CDC42BPA: variants seen among roughly 807,000 people sequenced by gnomAD.
CDC42BPA encodes serine/threonine-protein kinase MRCK alpha.
A neutral mutation model predicts 223.5 loss-of-function variants in CDC42BPA; 80 were observed. The observed-to-expected ratio is 0.36, with a 90% CI of 0.30 to 0.43. The LOEUF (loss-of-function observed/expected upper bound fraction) is 0.43. Among genes scored for constraint, CDC42BPA ranks in the 20% least tolerant of loss-of-function variants. The pLI is 1.00. For missense variants in CDC42BPA, 1,743 were observed against 2,099.9 expected (o/e 0.83, Z 3.32); for synonymous variants, 694 against 718.6 (o/e 0.97, Z 0.55).
intron 32 of CDC42BPA, 114 bp from the exon 33 acceptor site, chr1:227,017,164 G>A (rs544833333): frequency 3.3e-6 from 3 of 913,810 alleles, no homozygotes; most frequent in East Asian, 5.4e-5. Flanking sequence ...ATGCAATTCT[G>A]GTTTTTAAAT....
intron 21 of CDC42BPA, among the ~76,000 whole-genome samples, chr1:227,065,265 C>T (rs1676800268): frequency 6.6e-6 from 1 of 152,090 alleles, no homozygotes; most frequent in East Asian, 1.9e-4. Context: ...CTCTTAATAA[C>T]AGAAGAGTGC....
intron 32 of CDC42BPA, among the ~76,000 whole-genome samples, chr1:227,019,730 T>C (rs1226177850): frequency 1.3e-5 from 2 of 152,148 alleles, no homozygotes; most frequent in Non-Finnish European, 2.9e-5. Flanking sequence ...TTGGGTGACT[T>C]AGGTGCATTG....
At chr1:227,294,390 A>G (rs977356888) in intron 1 of CDC42BPA, among the ~76,000 whole-genome samples, 1 of 152,216 alleles carries the variant, frequency 6.6e-6, no homozygotes, top group Non-Finnish European at 1.5e-5. Context: ...AGAGCTTAAG[A>G]TCACACGATA....
At chr1:227,268,561 CTGTATATATATAGTGTATATATATATG>C (rs1685395839) in intron 1 of CDC42BPA, among the ~76,000 whole-genome samples, 1 of 144,114 alleles carries the variant, frequency 6.9e-6, no homozygotes, top group Non-Finnish European at 1.5e-5. Context: ...ATACTTTTTT[CTGTATATATATAGTGTATATATATATG>C]TGTATATATA....
intron 2 of CDC42BPA, among the ~76,000 whole-genome samples, chr1:227,230,722 C>T (rs1221591234): frequency 1.3e-5 from 2 of 151,300 alleles, no homozygotes; most frequent in Admixed American, 1.3e-4. Flanking sequence ...TCTATTGCAT[C>T]TATACATTTT....
At chr1:227,221,080 A>G (rs1675816615) in intron 2 of CDC42BPA, among the ~76,000 whole-genome samples, 1 of 152,194 alleles carries the variant, frequency 6.6e-6, no homozygotes, top group African/African-American at 2.4e-5. Flanking sequence ...GACTGAAACT[A>G]TTCTCTCAAA....
chr1:227,085,251 G>A (rs887976570), intron 16 of CDC42BPA, among the ~76,000 whole-genome samples: 3 of 151,996 alleles, frequency 2.0e-5, no homozygotes, highest in African/African-American at 4.8e-5. Context: ...AACTAATACA[G>A]GCCACAACCA....
At chr1:227,308,509 C>CAAAAAAAAAAAAAAAAA in intron 1 of CDC42BPA, among the ~76,000 whole-genome samples, 1 of 89,782 alleles carries the variant, frequency 1.1e-5, no homozygotes, top group Non-Finnish European at 2.3e-5. Flanking sequence ...GACTGTATCT[C>CAAAAAAAAAAAAAAAAA]AAAAAAAAAA....
chr1:227,194,353 T>C (rs1027757096), intron 4 of CDC42BPA, among the ~76,000 whole-genome samples: 7 of 152,190 alleles, frequency 4.6e-5, no homozygotes, highest in Non-Finnish European at 8.8e-5. Flanking sequence ...ATTCATATTA[T>C]CATTATGTTT....
chr1:227,255,031 G>T (rs1199893794), intron 1 of CDC42BPA, among the ~76,000 whole-genome samples: 1 of 152,104 alleles, frequency 6.6e-6, no homozygotes, highest in Non-Finnish European at 1.5e-5. Flanking sequence ...AATGGAAAAG[G>T]CTTTGAATTT....
At chr1:227,247,610 C>A (rs1303840280) in intron 2 of CDC42BPA, among the ~76,000 whole-genome samples, 2 of 149,906 alleles carry the variant, frequency 1.3e-5, no homozygotes, top group African/African-American at 2.5e-5. Flanking sequence ...CGGGGCCAGG[C>A]GTAGTGGCTC....
Position 227,245,214 on chromosome 1 carries a change from G to C in CDC42BPA, c.270+8850C>G, listed in dbSNP as rs540005085. Among the ~76,000 whole-genome samples the C allele has an allele frequency of 5.9e-5, 9 of 151,726 alleles. No homozygotes were observed. In the South Asian group the frequency reaches 1.9e-3, roughly 32 times the overall value. On this transcript the variant is annotated intron_variant, in intron 2 of 36. Transcript: ENST00000366766. Reference sequence around the variant, plus strand: ...CCAACCCAGGCAGTGCAGCTCACAGGAACCAGACTGACTCCTTCCTTCTGC... The same window carrying C: ...CCAACCCAGGCAGTGCAGCTCACAGCAACCAGACTGACTCCTTCCTTCTGC...
At chr1:227,101,333 C>T (rs984020612) in intron 14 of CDC42BPA, 94 bp from the exon 15 acceptor site, 9 of 729,662 alleles carry the variant, frequency 1.2e-5, no homozygotes, top group Non-Finnish European at 1.9e-5. Context: ...ATTCATATAA[C>T]TGCATTTTTT....
intron 1 of CDC42BPA, among the ~76,000 whole-genome samples, chr1:227,268,953 G>A (rs1685536220): frequency 6.6e-6 from 1 of 152,004 alleles, no homozygotes; most frequent in African/African-American, 2.4e-5. Flanking sequence ...CCAAAGTGCT[G>A]GGATTACAGG....
intron 6 of CDC42BPA, among the ~76,000 whole-genome samples, chr1:227,151,647 G>C (rs1423532016): frequency 6.6e-6 from 1 of 152,048 alleles, no homozygotes; most frequent in Non-Finnish European, 1.5e-5. Context: ...TCTGTTTTTT[G>C]ATAGTAGCAA....
At chr1:227,306,690 T>C (rs745468998) in intron 1 of CDC42BPA, among the ~76,000 whole-genome samples, 60 of 152,272 alleles carry the variant, frequency 3.9e-4, no homozygotes, top group Middle Eastern at 6.8e-3. Context: ...TACCCGAACT[T>C]AGTCTGTTGT....
intron 1 of CDC42BPA, among the ~76,000 whole-genome samples, chr1:227,271,969 G>C (rs960067913): frequency 1.3e-5 from 2 of 152,046 alleles, no homozygotes; most frequent in African/African-American, 4.8e-5. Flanking sequence ...ATAAATATAG[G>C]TACTAAGTAA....
At chr1:227,261,124 C>CTTTTTTTCTTTTTTT (rs1553422987) in intron 1 of CDC42BPA, among the ~76,000 whole-genome samples, 2 of 121,002 alleles carry the variant, frequency 1.7e-5, no homozygotes, top group Non-Finnish European at 3.3e-5. Flanking sequence ...TTGAGTTTTT[C>CTTTTTTTCTTTTTTT]TTTTTTTTTG....
intron 11 of CDC42BPA, among the ~76,000 whole-genome samples, chr1:227,124,673 CAA>C (rs373819774): frequency 4.5e-4 from 68 of 152,120 alleles, no homozygotes; most frequent in African/African-American, 1.6e-3. Flanking sequence ...GAAGTAGTAA[CAA>C]GAGACAAAGC....
Sources: gnomAD v4.1 joint callset for allele counts (sites outside exome capture counted in the v4.1 genomes callset) on GRCh38, gnomAD v4.1.1 for gene constraint, MANE v1.5 for transcripts, NCBI Gene and HGNC (gene_info 2026-07-23, HGNC 2026-07-21) for gene names.